Variants in ABI3BP observed in about 807,000 individuals in gnomAD.
ABI3BP encodes the protein ABI family member 3 binding protein, also known as target of Nesh-SH3.
A neutral mutation model predicts 268.6 loss-of-function variants in ABI3BP; 216 were observed. The ratio of observed to expected loss-of-function variants is 0.80; its 90% CI spans 0.72 to 0.90. The LOEUF (loss-of-function observed/expected upper bound fraction) is 0.90, where lower values mean the gene tolerates loss of function less well. Among genes scored for constraint, ABI3BP ranks in the 40% least tolerant of loss-of-function variants. The probability of loss-of-function intolerance (pLI) is 0.00; values close to 1 mark genes in which losing one functional copy is unlikely to be tolerated. For synonymous variants in ABI3BP, 730 were observed against 730.0 expected, an observed-to-expected ratio of 1.00 and a Z score of 0.00; for missense variants, 2,090 against 2,182.4, an observed-to-expected ratio of 0.96 and a Z score of 0.84.
chr3:100,919,228 A>G (rs2059549986), intron 2 of ABI3BP, among the ~76,000 whole-genome samples: 1 of 151,342 alleles, frequency 6.6e-6, no homozygotes. Flanking sequence ...GTTATTTTCA[A>G]CCCCTATTTC....
chr3:100,830,610 A>C lies in ABI3BP; in HGVS notation c.2426T>G (p.Val809Gly). 1.3e-6 allele frequency: 2 copies of C among 1,533,546 alleles called. No individual in the cohort carries two copies. The highest frequency in any genetic ancestry group is 2.0e-5 in the Admixed American group (1 of 50,932). The allele number at this position is 1,533,546 out of a possible 1,614,324, so 95.0% of individuals were successfully genotyped here. A position where few individuals can be genotyped will look rare whatever the true frequency, so the allele number is the denominator to read the frequency against. ...KLVPATILEP[V>G]LRTEASGTTA... ...TGTCCCTGAAGCCTCAGTTCTAAGA[A>C]CTGGTTCGAGGATTGTGGCAGGAAC... The change falls in exon 32 of 68, where the codon GTT (valine) becomes GGT (glycine). Residue 809 changes from valine to glycine, a missense_variant. Coordinates refer to ENST00000471714, the MANE Select transcript of ABI3BP (RefSeq NM_001375547.2).
chr3:100,844,541 A>G (rs1231625615), intron 20 of ABI3BP: 10 of 806,316 alleles, frequency 1.2e-5, no homozygotes, highest in Admixed American at 6.2e-5. Context: ...AAAGGCCTCA[A>G]AAAGCTTTGG....
rs550140694 is a variant in ABI3BP at position 100,951,324 on chromosome 3, C to T, written c.80-24843G>A. ...CAGTGGTATCCTAATTCTCATTTTC[C>T]ATGAAATTTCCATCTCTCTCCCTTA... is the stretch of plus-strand genomic sequence containing the variant. On this transcript the variant is annotated intron_variant, in intron 1 of 67. Coordinates refer to ENST00000471714, the MANE Select transcript of ABI3BP (RefSeq NM_001375547.2). 3.9e-5 allele frequency among the ~76,000 whole-genome samples: 6 copies of T among 151,990 alleles called. No homozygotes were observed. The South Asian group carries it at 1.2e-3, about 31-fold the overall frequency.
chr3:100,993,175 T>G, intron 1 of ABI3BP, 131 bp downstream of exon 1: 2 of 631,740 alleles, frequency 3.2e-6, no homozygotes, highest in Non-Finnish European at 2.6e-6. Flanking sequence ...CCTTCACACA[T>G]TTGAACTTTG....
Position 100,851,957 on chromosome 3 carries a change from A to G in ABI3BP, c.1286-17T>C. On this transcript the variant is annotated splice_polypyrimidine_tract_variant and intron_variant, in intron 14 of 67. Transcript: ENST00000471714. ...CATAAGTTGCTTAAAAAAAAAAAAA[A>G]GGCAAAACAAGAGAGATGTTAATTT... is the stretch of plus-strand genomic sequence containing the variant. 1 of 1,502,286 alleles carries G rather than the reference A, an allele frequency of 6.7e-7. No individual in the cohort carries two copies. Among genetic ancestry groups the G allele is most frequent in the Non-Finnish European group, 9.0e-7 (1 of 1,113,720 alleles). The allele number at this position is 1,502,286 out of a possible 1,614,324, so 93.1% of individuals were successfully genotyped here.
chr3:100,966,837 T>C (rs1562139533), intron 1 of ABI3BP, among the ~76,000 whole-genome samples: 1 of 152,278 alleles, frequency 6.6e-6, no homozygotes, highest in East Asian at 1.9e-4. Flanking sequence ...GACTACATGC[T>C]ACATCTCTGT....
chr3:100,763,794 A>G (rs1276032536), intron 63 of ABI3BP, among the ~76,000 whole-genome samples: 1 of 152,238 alleles, frequency 6.6e-6, no homozygotes, highest in Non-Finnish European at 1.5e-5. Flanking sequence ...TCAGATACCC[A>G]AATGGCACTC....
chr3:100,807,097 A>G (rs2152436548), intron 50 of ABI3BP, among the ~76,000 whole-genome samples: 1 of 151,674 alleles, frequency 6.6e-6, no homozygotes, highest in Admixed American at 6.6e-5. Flanking sequence ...TCTTCTCCCC[A>G]TTTGTTTTCT....
chr3:100,877,273 A>G (rs2099169847), intron 6 of ABI3BP, among the ~76,000 whole-genome samples: 1 of 152,154 alleles, frequency 6.6e-6, no homozygotes, highest in African/African-American at 2.4e-5. Flanking sequence ...ATCAAGATCA[A>G]TTGTTTGAGT....
chr3:100,833,670 C>A (rs2098529202), intron 29 of ABI3BP, among the ~76,000 whole-genome samples: 1 of 152,152 alleles, frequency 6.6e-6, no homozygotes, highest in Non-Finnish European at 1.5e-5. Context: ...TATAGAGGGT[C>A]ATTCAATCCA....
chr3:100,865,714 G>C (rs1203319326), intron 10 of ABI3BP, among the ~76,000 whole-genome samples: 1 of 152,190 alleles, frequency 6.6e-6, no homozygotes, highest in East Asian at 1.9e-4. Flanking sequence ...GGGTTTGGCA[G>C]AGGACTAAAA....
At chr3:100,962,536 T>A (rs2079520398) in intron 1 of ABI3BP, among the ~76,000 whole-genome samples, 1 of 152,156 alleles carries the variant, frequency 6.6e-6, no homozygotes, top group African/African-American at 2.4e-5. Flanking sequence ...TCCTTCTACT[T>A]CCTTCTCTCT....
At chr3:100,889,116 C>A (rs2043296305) in intron 4 of ABI3BP, among the ~76,000 whole-genome samples, 4 of 152,090 alleles carry the variant, frequency 2.6e-5, no homozygotes, top group Admixed American at 2.6e-4. Context: ...TAACGCACCA[C>A]TCCTACAGAA....
chr3:100,811,785 CT>C lies in ABI3BP; in HGVS notation c.3435del (p.Asp1146ThrfsTer35). 6.5e-7 allele frequency: 1 copy of C among 1,535,460 alleles called. No individual in the cohort carries two copies. Among genetic ancestry groups the C allele is most frequent in the Non-Finnish European group, 8.7e-7 (1 of 1,146,460 alleles). ...SPKETIAPAK[T>X]DYVYPTAKAP... ...GCTTTGGCAGTGGGATATACATAGT[CT>C]GTTTTGGCTGGTGCTAGGGAAGAAA... is the stretch of plus-strand genomic sequence containing the variant. On this transcript the variant is annotated frameshift_variant, in exon 47 of 68. Coordinates refer to ENST00000471714, the MANE Select transcript of ABI3BP (RefSeq NM_001375547.2). LOFTEE classifies it high-confidence loss of function.
intron 58 of ABI3BP, among the ~76,000 whole-genome samples, chr3:100,779,309 G>T (rs1286868039): frequency 2.0e-5 from 3 of 152,158 alleles, no homozygotes; most frequent in Non-Finnish European, 4.4e-5. Context: ...ACAAAGCTTA[G>T]CACCTGCTCT....
intron 31 of ABI3BP, among the ~76,000 whole-genome samples, chr3:100,831,126 C>T (rs554407404): frequency 1.3e-5 from 2 of 152,266 alleles, no homozygotes; most frequent in South Asian, 2.1e-4. Flanking sequence ...GGTGTTAACA[C>T]CTTTGAGTCA....
At chr3:100,787,992 G>A (rs1422301759) in intron 56 of ABI3BP, among the ~76,000 whole-genome samples, 190 bp from the exon 57 acceptor site, 1 of 152,098 alleles carries the variant, frequency 6.6e-6, no homozygotes, top group Admixed American at 6.6e-5. Context: ...ATAGAGACCT[G>A]AATTTGTATT....
intron 58 of ABI3BP, among the ~76,000 whole-genome samples, chr3:100,779,226 C>G (rs533386463): frequency 1.8e-4 from 28 of 152,286 alleles, no homozygotes; most frequent in African/African-American, 6.7e-4. Flanking sequence ...CTGTAGGGAG[C>G]AGGCTCACTG....
chr3:100,769,857 T>A (rs577589302), intron 62 of ABI3BP, among the ~76,000 whole-genome samples: 1 of 152,322 alleles, frequency 6.6e-6, no homozygotes, highest in East Asian at 1.9e-4. Context: ...AGAAAGCTAG[T>A]TAAGATAAGC....
Sources: gnomAD v4.1 joint callset for allele counts (sites outside exome capture counted in the v4.1 genomes callset) on GRCh38, gnomAD v4.1.1 for gene constraint, MANE v1.5 for transcripts, NCBI Gene and HGNC (gene_info 2026-07-23, HGNC 2026-07-21) for gene names.